Variants in TAF5L observed in about 807,000 individuals in gnomAD.
TAF5L encodes the protein TAF5-like RNA polymerase II p300/CBP-associated factor-associated factor 65 kDa subunit 5L.
In TAF5L, 7 loss-of-function variants were observed where a neutral mutation model predicts 51.3. That is an observed-to-expected ratio of 0.14 (90% CI 0.08 to 0.26). The LOEUF is 0.26. Among genes scored for constraint, TAF5L ranks in the 10% least tolerant of loss-of-function variants. The probability of loss-of-function intolerance (pLI) is 1.00; values close to 1 mark genes in which losing one functional copy is unlikely to be tolerated. For missense variants in TAF5L, 575 were observed against 758.9 expected (o/e 0.76, Z 2.85); for synonymous variants, 291 against 308.1 (o/e 0.94, Z 0.58).
chr1:229,623,474 G>C (rs970893342), intron 1 of TAF5L, among the ~76,000 whole-genome samples: 1 of 152,158 alleles, frequency 6.6e-6, no homozygotes, highest in African/African-American at 2.4e-5. Flanking sequence ...AGTAGTTGGA[G>C]GCACTGCCAC....
chr1:229,609,689 A>G (rs1433806616), intron 3 of TAF5L, among the ~76,000 whole-genome samples: 1 of 152,192 alleles, frequency 6.6e-6, no homozygotes, highest in East Asian at 1.9e-4. Context: ...ATTAGTAGAG[A>G]TGTCATGTAC....
intron 4 of TAF5L, chr1:229,600,743 TA>T (rs1664343772): frequency 1.0e-6 from 1 of 985,322 alleles, no homozygotes. Context: ...TACCCGGAAA[TA>T]AACATAGGAC....
intron 4 of TAF5L, among the ~76,000 whole-genome samples, chr1:229,595,954 C>T (rs1664109049): frequency 2.0e-5 from 3 of 152,268 alleles, no homozygotes; most frequent in South Asian, 4.1e-4. Context: ...CATGAGCCAC[C>T]GCGCCCAGCC....
intron 2 of TAF5L, 122 bp downstream of exon 2, chr1:229,614,219 G>A: frequency 1.3e-6 from 2 of 1,538,508 alleles, no homozygotes; most frequent in Non-Finnish European, 1.8e-6. Context: ...AGCTCACTGA[G>A]GTTTTTGGTC....
At position 229,614,355 on chromosome 1, in the gene TAF5L, G is replaced by A. The variant is rs200127796; in HGVS notation, c.128C>T (p.Ala43Val). Residue 43 changes from alanine (A) to valine (V), a missense_variant, in exon 2 of 5, where the codon GCG becomes GTG. Around this residue, in one of 3 missense-constraint regions of TAF5L, gnomAD observed 380 missense variants for 443.7 expected, o/e 0.86. Coordinates refer to ENST00000258281, the Ensembl canonical transcript of TAF5L. ...CCCACCATTACCTGTTAGATTGGCC[G>A]CCATCTCTTCAGCAGTCTGTGACAG... 6.2e-6 allele frequency: 10 copies of A among 1,614,092 alleles called. No individual in the cohort carries two copies. The East Asian group carries it at 6.7e-5, about 11-fold the overall frequency.
In TAF5L at chr1:229,625,865, C is replaced by T. The variant is rs1665441966; in HGVS notation, c.-4+20G>A. On this transcript the variant is annotated intron_variant, in intron 1 of 4. Transcript: ENST00000258281. This position sits in a 1 kb window ranked among gnomAD's most constrained non-coding sequence, Gnocchi z 4.0. ...CTCGCGACCCTCCCGGCCCTCCCCG[C>T]CCGTGCTCCCGGCACTCACTGAACA... 1 of 143,586 alleles carries T rather than the reference C, an allele frequency of 7.0e-6. No homozygotes were observed. Among genetic ancestry groups the T allele is most frequent in the African/African-American group, 2.5e-5 (1 of 39,732 alleles). 8.9% of individuals were successfully genotyped at this position (143,586 alleles called of 1,614,324 possible).
At chr1:229,599,249 T>C (rs756215207) in intron 4 of TAF5L, 10 of 917,946 alleles carry the variant, frequency 1.1e-5, no homozygotes, top group African/African-American at 1.8e-5. Context: ...TAAGCTTACA[T>C]AGAAGATTTT....
intron 3 of TAF5L, chr1:229,607,082 C>T (rs1571841594): frequency 1.0e-6 from 1 of 985,412 alleles, no homozygotes; most frequent in African/African-American, 1.7e-5. Flanking sequence ...CAGTAGGATG[C>T]CACTGTCATG....
chr1:229,624,686 G>A (rs1436699937), intron 1 of TAF5L, among the ~76,000 whole-genome samples: 1 of 152,166 alleles, frequency 6.6e-6, no homozygotes, highest in South Asian at 2.1e-4. Flanking sequence ...AGGTTATGCA[G>A]ATGGCTACAT....
intron 1 of TAF5L, among the ~76,000 whole-genome samples, chr1:229,615,610 G>T (rs565802978): frequency 8.0e-5 from 12 of 150,488 alleles, no homozygotes; most frequent in African/African-American, 2.9e-4. Context: ...AAAAGAAAAG[G>T]GAAAAAGAAA....
At chr1:229,598,006 G>A (rs1017517191) in intron 4 of TAF5L, among the ~76,000 whole-genome samples, 19 of 152,182 alleles carry the variant, frequency 1.2e-4, no homozygotes, top group Admixed American at 3.3e-4. Context: ...AGCTGTCAGT[G>A]GAACAGGAAG....
chr1:229,610,110 G>A (rs756042303), exon 3 of TAF5L: 24 of 1,613,912 alleles, frequency 1.5e-5, no homozygotes, highest in Non-Finnish European at 2.0e-5. Context: ...ACTTACCAGT[G>A]AGAAAATTCC....
chr1:229,602,375 G>A lies in TAF5L; in HGVS notation c.792C>T (p.Phe264=). The A allele has an allele frequency of 1.9e-6, 3 of 1,614,182 alleles. No individual in the cohort carries two copies. Among genetic ancestry groups the A allele is most frequent in the African/African-American group, 1.3e-5 (1 of 75,050 alleles). ...TGTTCAACAGCTGCTCTGTGTTATA[G>A]AAGGCATAGAAGCAGATGGTAGTGA... is the stretch of plus-strand genomic sequence containing the variant. Residue 264 remains phenylalanine (F), a synonymous_variant, in exon 4 of 5, where the codon TTC becomes TTT. Coordinates refer to ENST00000258281, the Ensembl canonical transcript of TAF5L. This position sits in a 1 kb window ranked among gnomAD's most constrained non-coding sequence, Gnocchi z 4.6.
chr1:229,601,522 C>G (rs1311813602), intron 4 of TAF5L: 8 of 985,440 alleles, frequency 8.1e-6, no homozygotes, highest in Non-Finnish European at 9.6e-6. Flanking sequence ...TGCGCCTGCC[C>G]TTTTCAATGA....
chr1:229,626,110 C>T (rs1373597056), upstream of TAF5L: 1 of 151,522 alleles, frequency 6.6e-6, no homozygotes, highest in Non-Finnish European at 1.5e-5. Context: ...AACGCGCAAC[C>T]GTCTCCGCCA....
chr1:229,609,989 A>C, intron 3 of TAF5L, 117 bp downstream of exon 3: 1 of 774,814 alleles, frequency 1.3e-6, no homozygotes, highest in Non-Finnish European at 2.1e-6. Flanking sequence ...TCTATTTTTT[A>C]ATTTTTCTTT....
chr1:229,607,082 C>G, intron 3 of TAF5L: 1 of 985,412 alleles, frequency 1.0e-6, no homozygotes, highest in Non-Finnish European at 1.2e-6. Flanking sequence ...CAGTAGGATG[C>G]CACTGTCATG....
rs1664060202 is a variant in TAF5L at position 229,594,894 on chromosome 1, G to A, written c.1173C>T (p.Asp391=). 6.2e-7 allele frequency: 1 copy of A among 1,614,078 alleles called. No homozygotes were observed. Among genetic ancestry groups the A allele is most frequent in the African/African-American group, 1.3e-5 (1 of 74,924 alleles). The change falls in exon 5 of 5, where the codon GAC becomes GAT. Residue 391 remains aspartate (D), a synonymous_variant. Transcript: ENST00000258281. This position sits in a 1 kb window ranked among gnomAD's most constrained non-coding sequence, Gnocchi z 7.9. ...CGAAGTACAGGCTATATGGACTGAT[G>A]TCCAGATCCCACACAGGATAGGCAT... is the stretch of plus-strand genomic sequence containing the variant.
chr1:229,618,387 A>G (rs988622895), intron 1 of TAF5L, among the ~76,000 whole-genome samples: 1 of 152,192 alleles, frequency 6.6e-6, no homozygotes, highest in Admixed American at 6.5e-5. Flanking sequence ...CATTATTGAT[A>G]TTTCTGGAAA....
Sources: gnomAD v4.1 joint callset for allele counts (sites outside exome capture counted in the v4.1 genomes callset) on GRCh38, gnomAD v4.1.1 for gene constraint, gnomAD v4.1.1 regional missense constraint, Gnocchi (gnomAD v3.1) non-coding constraint, MANE v1.5 for transcripts, NCBI Gene and HGNC (gene_info 2026-07-23, HGNC 2026-07-21) for gene names.